The following PALM2AKAP2 variants were observed in gnomAD, a reference collection of about 807,000 sequenced individuals.
The protein encoded by PALM2AKAP2 is PALM2-AKAP2 fusion protein.
In PALM2AKAP2, 37 loss-of-function variants were observed where a neutral mutation model predicts 71.5. The ratio of observed to expected loss-of-function variants is 0.52; its 90% CI spans 0.40 to 0.68. PALM2AKAP2 has a LOEUF of 0.68. Among genes scored for constraint, PALM2AKAP2 ranks in the 30% least tolerant of loss-of-function variants. PALM2AKAP2 has a pLI of 0.00. For synonymous variants in PALM2AKAP2, 468 were observed against 478.8 expected (o/e 0.98, Z 0.29); for missense variants, 1,224 against 1,191.8 (o/e 1.03, Z -0.40).
chr9:109,885,107 A>G (rs908597845), intron 3 of PALM2AKAP2, among the ~76,000 whole-genome samples: 7 of 152,246 alleles, frequency 4.6e-5, no homozygotes, highest in Admixed American at 3.9e-4. Flanking sequence ...AAAGAACATA[A>G]TCACCTTTTA....
At chr9:110,030,857 T>C (rs756578698) in intron 7 of PALM2AKAP2, among the ~76,000 whole-genome samples, 1 of 152,266 alleles carries the variant, frequency 6.6e-6, no homozygotes, top group Non-Finnish European at 1.5e-5. Flanking sequence ...AGCAGGCCAC[T>C]GGTAGGTCTG....
At chr9:109,736,786 T>A (rs1362068393) in intron 1 of PALM2AKAP2, among the ~76,000 whole-genome samples, 4 of 152,052 alleles carry the variant, frequency 2.6e-5, no homozygotes, top group Non-Finnish European at 4.4e-5. Flanking sequence ...CCTTTTGTAG[T>A]CTCCAGTGTT....
At chr9:110,092,229 G>A (rs996576633) in intron 1 of PALM2AKAP2, among the ~76,000 whole-genome samples, 9 of 152,182 alleles carry the variant, frequency 5.9e-5, no homozygotes, top group African/African-American at 2.2e-4. Flanking sequence ...CTACTTGGGA[G>A]GCTGAGGCAG....
At chr9:109,829,369 C>A (rs918890537) in intron 1 of PALM2AKAP2, among the ~76,000 whole-genome samples, 6 of 152,114 alleles carry the variant, frequency 3.9e-5, no homozygotes, top group Non-Finnish European at 8.8e-5. Context: ...CTCCTGCTTT[C>A]CTCTACTAGA....
At chr9:109,863,006 G>A (rs866233666) in intron 1 of PALM2AKAP2, 7 of 478,270 alleles carry the variant, frequency 1.5e-5, no homozygotes, top group Middle Eastern at 6.4e-4. Context: ...TAGGGAACCT[G>A]CTCTTTGCAC....
At chr9:109,677,982 A>G (rs1159034302) in intron 1 of PALM2AKAP2, among the ~76,000 whole-genome samples, 2 of 152,234 alleles carry the variant, frequency 1.3e-5, no homozygotes, top group Non-Finnish European at 1.5e-5. Context: ...TGTTCTGTTC[A>G]GCTGTTACAG....
At chr9:109,802,317 T>C (rs115180018) in intron 1 of PALM2AKAP2, among the ~76,000 whole-genome samples, 2,239 of 152,300 alleles carry the variant, frequency 0.015, 58 homozygotes, top group African/African-American at 0.051. Flanking sequence ...CTTTGTTAAA[T>C]GCTCCATAGC....
chr9:109,831,551 T>G (rs2131540135), intron 1 of PALM2AKAP2, among the ~76,000 whole-genome samples: 1 of 152,342 alleles, frequency 6.6e-6, no homozygotes, highest in South Asian at 2.1e-4. Flanking sequence ...GGGAGGTTAC[T>G]GAATCTTCTG....
At chr9:110,142,703 G>A (rs1175797224) in intron 2 of PALM2AKAP2, among the ~76,000 whole-genome samples, 2 of 152,182 alleles carry the variant, frequency 1.3e-5, no homozygotes, top group Non-Finnish European at 2.9e-5. Flanking sequence ...GGGCACCTAA[G>A]AGAGGCTCAA....
intron 1 of PALM2AKAP2, among the ~76,000 whole-genome samples, chr9:110,075,117 A>C (rs934927478): frequency 6.6e-6 from 1 of 152,238 alleles, no homozygotes; most frequent in African/African-American, 2.4e-5. Flanking sequence ...CAATCTTGAA[A>C]AAATTCTGGC....
chr9:109,689,856 C>A (rs2118542777), intron 1 of PALM2AKAP2, among the ~76,000 whole-genome samples: 1 of 152,260 alleles, frequency 6.6e-6, no homozygotes, highest in Admixed American at 6.5e-5. Context: ...GAGGAAGAGG[C>A]AGGATTATGC....
At chr9:109,842,699 C>A (rs1019421243) in intron 1 of PALM2AKAP2, among the ~76,000 whole-genome samples, 2 of 152,040 alleles carry the variant, frequency 1.3e-5, no homozygotes, top group African/African-American at 4.8e-5. Context: ...TGATATCTGA[C>A]AAGAAGTCGG....
intron 1 of PALM2AKAP2, among the ~76,000 whole-genome samples, chr9:109,766,156 G>C (rs994299052): frequency 1.3e-5 from 2 of 152,206 alleles, no homozygotes; most frequent in Non-Finnish European, 2.9e-5. Context: ...TATGCACTGA[G>C]CACTTAGCTC....
Position 110,135,164 on chromosome 9 carries a change from A to AAAAAAAAAATATATATATATATAT in PALM2AKAP2, c.157-962_157-961insAAAAAAAATATATATATATATATA. On this transcript the variant is annotated intron_variant, in intron 1 of 3. Transcript: ENST00000374525. ...AACTCTGTCTCTACAAAAAAAAAAAAATATATAAATATATATATATATATA... is the reference window on the plus strand; with the variant it reads ...AACTCTGTCTCTACAAAAAAAAAAAAAAAAAAAAATATATATATATATATATATATAAATATATATATATATATA... Among the ~76,000 whole-genome samples, 5 of 51,730 alleles carry AAAAAAAAAATATATATATATATAT rather than the reference A, an allele frequency of 9.7e-5. 1 individual carries two copies. The highest frequency in any genetic ancestry group is 7.4e-4 in the South Asian group (1 of 1,354). 33.9% of individuals were successfully genotyped at this position (51,730 alleles called of 152,430 possible). A position where few individuals can be genotyped will look rare whatever the true frequency, so the allele number is the denominator to read the frequency against.
chr9:110,131,062 T>C (rs1455308979), intron 1 of PALM2AKAP2, among the ~76,000 whole-genome samples: 1 of 152,176 alleles, frequency 6.6e-6, no homozygotes, highest in Non-Finnish European at 1.5e-5. Flanking sequence ...TAGATGACCA[T>C]CCCTTGAGTT....
exon 3 of PALM2AKAP2, chr9:109,880,614 G>A: frequency 6.2e-7 from 1 of 1,613,966 alleles, no homozygotes; most frequent in Middle Eastern, 1.7e-4. Flanking sequence ...CGAAGAGGAG[G>A]AAGCCAGGAG....
chr9:109,787,242 T>C (rs953764156), intron 1 of PALM2AKAP2, among the ~76,000 whole-genome samples: 1 of 152,330 alleles, frequency 6.6e-6, no homozygotes, highest in South Asian at 2.1e-4. Context: ...TTCAGTGTCT[T>C]GTTGTGATGG....
At chr9:110,138,165 T>C in exon 2 of PALM2AKAP2, 3 of 1,613,922 alleles carry the variant, frequency 1.9e-6, no homozygotes, top group Non-Finnish European at 2.5e-6. Context: ...TTACCAAAGA[T>C]TCTGCCTGCT....
intron 1 of PALM2AKAP2, among the ~76,000 whole-genome samples, chr9:109,763,401 A>T (rs963005766): frequency 1.3e-5 from 2 of 151,912 alleles, no homozygotes; most frequent in African/African-American, 4.8e-5. Flanking sequence ...TTGCTTTGCA[A>T]CCCTAGGTCA....
Sources: allele counts gnomAD v4.1 joint callset (sites outside exome capture counted in the v4.1 genomes callset), GRCh38; gene constraint gnomAD v4.1.1; transcripts MANE v1.5; gene names NCBI Gene and HGNC (gene_info 2026-07-23, HGNC 2026-07-21).